Variants in THSD4 observed in about 807,000 individuals in gnomAD.
THSD4 encodes the protein thrombospondin type-1 domain-containing protein 4.
THSD4 carries 69 observed loss-of-function variants against 119.0 expected under a neutral mutation model. That is an observed-to-expected ratio of 0.58 (90% confidence interval 0.48 to 0.71). The LOEUF is 0.71. THSD4 is among the 30% of genes least tolerant of loss of function. The probability of loss-of-function intolerance (pLI) is 0.00; values close to 1 mark genes in which losing one functional copy is unlikely to be tolerated. For synonymous variants in THSD4, 524 were observed against 540.4 expected (o/e 0.97, Z 0.42); for missense variants, 1,393 against 1,391.1 (o/e 1.00, Z -0.02).
At chr15:71,614,756 A>T (rs2050292310) in intron 7 of THSD4, among the ~76,000 whole-genome samples, 1 of 152,230 alleles carries the variant, frequency 6.6e-6, no homozygotes, top group South Asian at 2.1e-4. Context: ...GAGATGAAGC[A>T]TATGTAATGT....
chr15:71,575,035 G>A (rs192891246), intron 7 of THSD4, among the ~76,000 whole-genome samples: 14 of 152,232 alleles, frequency 9.2e-5, no homozygotes, highest in South Asian at 4.1e-4. Flanking sequence ...ATAGGAAACC[G>A]AACTCATGCA....
chr15:71,469,922 A>G (rs1260739546), intron 7 of THSD4, among the ~76,000 whole-genome samples: 1 of 152,232 alleles, frequency 6.6e-6, no homozygotes, highest in Non-Finnish European at 1.5e-5. Flanking sequence ...AGAGGAATTC[A>G]TACAATATAA....
chr15:71,320,333 A>C (rs2140359719), intron 6 of THSD4, among the ~76,000 whole-genome samples: 1 of 152,324 alleles, frequency 6.6e-6, no homozygotes, highest in East Asian at 1.9e-4. Flanking sequence ...ACCCAGACTA[A>C]AACAACCTCA....
chr15:71,529,472 T>A (rs2048577771), intron 7 of THSD4, among the ~76,000 whole-genome samples: 1 of 152,220 alleles, frequency 6.6e-6, no homozygotes, highest in South Asian at 2.1e-4. Flanking sequence ...ATAAGAAAGA[T>A]GGAATGAGGT....
At chr15:71,402,032 C>T (rs1238189924) in intron 6 of THSD4, among the ~76,000 whole-genome samples, 2 of 145,214 alleles carry the variant, frequency 1.4e-5, no homozygotes, top group Admixed American at 1.4e-4. Context: ...TGTTCTCACT[C>T]ATAGGTGGGA....
chr15:71,766,518 C>G (rs2053719446), intron 16 of THSD4, among the ~76,000 whole-genome samples: 1 of 152,162 alleles, frequency 6.6e-6, no homozygotes, highest in Admixed American at 6.5e-5. Context: ...TCTGTCTGCT[C>G]TAGTGATAAC....
rs2140337525 is a variant in THSD4 at position 71,301,079 on chromosome 15, T to C, written c.1015+44364T>C. On this transcript the variant is annotated intron_variant, in intron 6 of 17. Transcript: ENST00000261862. ...ATTTCTCTGCCCTAAGATTATTTTC[T>C]AATTGCCTAAAATTTTTCTTTCATT... 3.3e-5 allele frequency among the ~76,000 whole-genome samples: 5 copies of C among 152,366 alleles called. 1 individual carries two copies. In the South Asian group the frequency reaches 1.0e-3, roughly 32 times the overall value.
chr15:71,402,698 C>T (rs755404541), intron 6 of THSD4, among the ~76,000 whole-genome samples: 29 of 152,276 alleles, frequency 1.9e-4, no homozygotes, highest in Non-Finnish European at 4.1e-4. Flanking sequence ...TTGAGGGAGG[C>T]AGCTCCCTCA....
chr15:71,737,011 T>C (rs888239655), intron 10 of THSD4, among the ~76,000 whole-genome samples: 3 of 152,262 alleles, frequency 2.0e-5, no homozygotes, highest in Non-Finnish European at 4.4e-5. Context: ...CATTTCTTCA[T>C]GTCGGAACGT....
chr15:71,710,106 G>T lies in THSD4; in HGVS notation c.1358-18443G>T, dbSNP rs28684474. Among the ~76,000 whole-genome samples the T allele has an allele frequency of 5.7e-3, 869 of 152,332 alleles. 7 individuals carry two copies. Among genetic ancestry groups the T allele is most frequent in the African/African-American group, 0.019 (802 of 41,572 alleles). On this transcript the variant is annotated intron_variant, in intron 8 of 17. Coordinates refer to ENST00000261862, the MANE Select transcript of THSD4 (RefSeq NM_024817.3). ...TTCAAGCTCTTTCCCATCCTGAGGG[G>T]GCTGAGTCAATGCTCCAAAGTGGAA...
At position 71,410,865 on chromosome 15, in the gene THSD4, C is replaced by G. The variant is rs1236438850; in HGVS notation, c.1016-822C>G. Among the ~76,000 whole-genome samples, 4 of 150,872 alleles carry G rather than the reference C, an allele frequency of 2.7e-5. No homozygotes were observed. In the East Asian group the frequency reaches 7.7e-4, roughly 29 times the overall value. ...TGGCCAACATGGTGAAACCCTGTCA[C>G]TACTAAAAAATACACACACACACAC... On this transcript the variant is annotated intron_variant, in intron 6 of 17. Coordinates refer to ENST00000261862, the MANE Select transcript of THSD4 (RefSeq NM_024817.3).
At chr15:71,693,149 A>G (rs1185623146) in intron 8 of THSD4, among the ~76,000 whole-genome samples, 1 of 152,156 alleles carries the variant, frequency 6.6e-6, no homozygotes, top group Non-Finnish European at 1.5e-5. Context: ...GCCTATGGGA[A>G]AGGAAAATCA....
At chr15:71,191,630 A>C (rs2043672110) in intron 3 of THSD4, among the ~76,000 whole-genome samples, 1 of 152,170 alleles carries the variant, frequency 6.6e-6, no homozygotes, top group Admixed American at 6.5e-5. Flanking sequence ...TTGGCTGACT[A>C]GTGGTGGAAC....
At chr15:71,530,524 A>G (rs7165505) in intron 7 of THSD4, among the ~76,000 whole-genome samples, 20,652 of 152,192 alleles carry the variant, frequency 0.14, 1,806 homozygotes, top group Middle Eastern at 0.22. Flanking sequence ...TTGGGGCTAA[A>G]TATGACATGC....
intron 7 of THSD4, among the ~76,000 whole-genome samples, chr15:71,502,065 C>G (rs1048553642): frequency 2.0e-5 from 3 of 152,202 alleles, no homozygotes; most frequent in Non-Finnish European, 4.4e-5. Context: ...AACTAATCCA[C>G]AATACTGATC....
rs530752346 is a variant in THSD4, at chr15:71,701,516, C to T, written c.1358-27033C>T. Reference sequence around the variant, plus strand: ...TGTCCATTGCAGCCAGTTTTATAAGCTGAAAAAATTAAATGCAACCTAACT... The same window carrying T: ...TGTCCATTGCAGCCAGTTTTATAAGTTGAAAAAATTAAATGCAACCTAACT... On this transcript the variant is annotated intron_variant, in intron 8 of 17. Transcript: ENST00000261862. 1.4e-4 allele frequency among the ~76,000 whole-genome samples: 21 copies of T among 152,052 alleles called. No individual in the cohort carries two copies. In the South Asian group the frequency reaches 4.2e-3, roughly 30 times the overall value.
At chr15:71,136,205 C>T (rs958515317) in intron 1 of THSD4, among the ~76,000 whole-genome samples, 10 of 151,730 alleles carry the variant, frequency 6.6e-5, no homozygotes, top group Admixed American at 2.0e-4. Context: ...AGCCAATTCC[C>T]GACTCTTTTC....
intron 7 of THSD4, among the ~76,000 whole-genome samples, chr15:71,432,380 T>C (rs958992437): frequency 6.6e-6 from 1 of 152,220 alleles, no homozygotes; most frequent in African/African-American, 2.4e-5. Context: ...AAACAATCAT[T>C]TGTTTAACCA....
intron 3 of THSD4, among the ~76,000 whole-genome samples, chr15:71,168,438 T>C (rs925355775): frequency 1.3e-5 from 2 of 152,176 alleles, no homozygotes; most frequent in Non-Finnish European, 2.9e-5. Flanking sequence ...AACTTTTTTT[T>C]TGTTAACTTT....
Sources: gnomAD v4.1 joint callset for allele counts (sites outside exome capture counted in the v4.1 genomes callset) on GRCh38, gnomAD v4.1.1 for gene constraint, MANE v1.5 for transcripts, NCBI Gene and HGNC (gene_info 2026-07-23, HGNC 2026-07-21) for gene names.